The following TANK variants were observed in gnomAD, a reference collection of about 807,000 sequenced individuals.
TANK encodes the protein TRAF family member associated NFKB activator.
In TANK, 15 loss-of-function variants were observed where a neutral mutation model predicts 43.6. The observed-to-expected ratio is 0.34, with a 90% confidence interval of 0.23 to 0.53. The LOEUF (loss-of-function observed/expected upper bound fraction) is 0.53, where lower values mean the gene tolerates loss of function less well. TANK is among the 20% of genes least tolerant of loss of function. The pLI, the probability that TANK is intolerant of heterozygous loss-of-function variation, is 0.94. For synonymous variants in TANK, 162 were observed against 178.2 expected (o/e 0.91, Z 0.73); for missense variants, 417 against 498.6 (o/e 0.84, Z 1.56).
chr2:161,164,886 A>T (rs747676636), intron 1 of TANK, among the ~76,000 whole-genome samples: 13 of 152,142 alleles, frequency 8.5e-5, no homozygotes, highest in Non-Finnish European at 1.9e-4. Flanking sequence ...GAAGTAAATG[A>T]TGGCAATTGT....
Position 161,161,106 on chromosome 2 carries a change from T to TAG in TANK, c.-50+623_-50+624dup, listed in dbSNP as rs1296208862. 10 of 1,077,306 alleles carry TAG rather than the reference T, an allele frequency of 9.3e-6. No individual in the cohort carries two copies. In the Admixed American group the frequency reaches 1.5e-4, roughly 16 times the overall value. The allele number at this position is 1,077,306 out of a possible 1,614,324, so 66.7% of individuals were successfully genotyped here. Reference sequence around the variant, plus strand: ...CCACAGTGGGAACCCAGGCGTTAGGTAGAGTCCTCACGCCGGTGTAAACTG... The same window carrying TAG: ...CCACAGTGGGAACCCAGGCGTTAGGTAGAGAGTCCTCACGCCGGTGTAAACTG... On this transcript the variant is annotated intron_variant, in intron 1 of 7. Transcript: ENST00000392749.
At chr2:161,161,064 A>C in intron 1 of TANK, 1 of 718,198 alleles carries the variant, frequency 1.4e-6, no homozygotes, top group South Asian at 2.1e-5. Flanking sequence ...GGCAGGAAGA[A>C]CAGAAGCCAA....
chr2:161,192,652 C>G (rs796116903), intron 2 of TANK, among the ~76,000 whole-genome samples: 17 of 152,292 alleles, frequency 1.1e-4, no homozygotes, highest in African/African-American at 3.9e-4. Flanking sequence ...AAGTAGCGCA[C>G]TAATCTCAAA....
chr2:161,230,320 C>T (rs1687845938), intron 6 of TANK, among the ~76,000 whole-genome samples: 1 of 152,062 alleles, frequency 6.6e-6, no homozygotes, highest in Non-Finnish European at 1.5e-5. Flanking sequence ...CTTTTGTCTA[C>T]CAGATATTTA....
At chr2:161,175,442 T>C (rs897937201) in intron 1 of TANK, among the ~76,000 whole-genome samples, 5 of 152,184 alleles carry the variant, frequency 3.3e-5, no homozygotes, top group African/African-American at 1.2e-4. Context: ...GAAAATACTT[T>C]GTGAAAGAAA....
intron 2 of TANK, among the ~76,000 whole-genome samples, chr2:161,186,947 A>G (rs1187320745): frequency 6.6e-6 from 1 of 152,242 alleles, no homozygotes; most frequent in Non-Finnish European, 1.5e-5. Context: ...AGGAAAATGG[A>G]AATCAAAACC....
chr2:161,183,007 A>C (rs1290357967), intron 2 of TANK, among the ~76,000 whole-genome samples: 1 of 152,150 alleles, frequency 6.6e-6, no homozygotes, highest in East Asian at 1.9e-4. Flanking sequence ...CTATAACAAG[A>C]GTTGTGAGAG....
At position 161,225,383 on chromosome 2, in the gene TANK, A is replaced by G. The variant is rs141351163; in HGVS notation, c.520+637A>G. 5.3e-3 allele frequency among the ~76,000 whole-genome samples: 813 copies of G among 152,296 alleles called. 5 individuals are homozygous for G. The highest frequency in any genetic ancestry group is 8.4e-3 in the Non-Finnish European group (574 of 68,010). The stretch of plus-strand genomic sequence containing the variant: ...TTCAAGAATAAAAACGTGGCACTCA[A>G]ATTTCCTGAGTGCTAGTTGTGTTTA... On this transcript the variant is annotated intron_variant, in intron 6 of 7. Transcript: ENST00000392749.
chr2:161,203,502 C>G lies in TANK; in HGVS notation c.115C>G (p.Gln39Glu), dbSNP rs771784086. ...ELQQKTENYE[Q>E]RIREQQEQLS... ...ATGTCAGCAGACTGAGAACTATGAGCAGAGAATACGTGAACAACAGGAACA... is the reference window on the plus strand; with the variant it reads ...ATGTCAGCAGACTGAGAACTATGAGGAGAGAATACGTGAACAACAGGAACA... Residue 39 changes from glutamine (Q) to glutamate (E), a missense_variant, in exon 3 of 8, where the codon CAG becomes GAG. By Grantham distance (29) the Gln-to-Glu change is conservative (BLOSUM62 2). Transcript: ENST00000392749. The G allele has an allele frequency of 7.0e-5, 113 of 1,610,100 alleles. No homozygotes were observed. The highest frequency in any genetic ancestry group is 7.0e-5 in the Non-Finnish European group (82 of 1,178,604).
At chr2:161,202,182 C>CTTTTTTTTTTTTTTTTTTTT in intron 2 of TANK, among the ~76,000 whole-genome samples, 1 of 78,132 alleles carries the variant, frequency 1.3e-5, no homozygotes, top group Non-Finnish European at 2.4e-5. Context: ...GCTCTAATTT[C>CTTTTTTTTTTTTTTTTTTTT]TTTTTTTTTT....
At chr2:161,211,340 C>T (rs1255714568) in intron 4 of TANK, among the ~76,000 whole-genome samples, 4 of 152,174 alleles carry the variant, frequency 2.6e-5, no homozygotes, top group African/African-American at 7.2e-5. Context: ...TAGGGATCTT[C>T]GTCTGAGTTT....
At chr2:161,152,945 C>G (rs1014916371) in intron 1 of TANK, among the ~76,000 whole-genome samples, 1 of 152,084 alleles carries the variant, frequency 6.6e-6, no homozygotes, top group African/African-American at 2.4e-5. Context: ...CTGGTTCAGA[C>G]TTTTAGCAAA....
chr2:161,185,629 G>A (rs1261914535), intron 2 of TANK, among the ~76,000 whole-genome samples: 1 of 146,358 alleles, frequency 6.8e-6, no homozygotes, highest in African/African-American at 2.5e-5. Flanking sequence ...ACCAAACACC[G>A]CATATTCTCA....
At chr2:161,182,997 C>G (rs570319093) in intron 2 of TANK, among the ~76,000 whole-genome samples, 1 of 152,256 alleles carries the variant, frequency 6.6e-6, no homozygotes, top group South Asian at 2.1e-4. Flanking sequence ...TAACAAAAGA[C>G]TATAACAAGA....
intron 1 of TANK, among the ~76,000 whole-genome samples, chr2:161,176,543 C>G (rs1685181699): frequency 6.6e-6 from 1 of 152,126 alleles, no homozygotes; most frequent in Non-Finnish European, 1.5e-5. Flanking sequence ...GATTTACTTG[C>G]ATATGATGCA....
At chr2:161,207,700 G>A in intron 4 of TANK, 1 of 985,238 alleles carries the variant, frequency 1.0e-6, no homozygotes, top group Non-Finnish European at 1.2e-6. Flanking sequence ...TCTATACTTA[G>A]TGAGTTATAA....
At chr2:161,147,757 T>G (rs1683958034) in intron 1 of TANK, among the ~76,000 whole-genome samples, 1 of 151,508 alleles carries the variant, frequency 6.6e-6, no homozygotes, top group South Asian at 2.1e-4. Context: ...TAGTCGGCCA[T>G]CATGTCCTCA....
At chr2:161,187,998 A>C (rs1411534836) in intron 2 of TANK, among the ~76,000 whole-genome samples, 1 of 152,212 alleles carries the variant, frequency 6.6e-6, no homozygotes, top group Non-Finnish European at 1.5e-5. Flanking sequence ...GAATGAATAT[A>C]TATTGTGACA....
chr2:161,179,952 A>G, intron 2 of TANK, 191 bp downstream of exon 2: 1 of 1,267,848 alleles, frequency 7.9e-7, no homozygotes, highest in Admixed American at 4.0e-5. Flanking sequence ...TGCAACCCAT[A>G]GGAAGAGTTG....
Sources: allele counts gnomAD v4.1 joint callset (sites outside exome capture counted in the v4.1 genomes callset), GRCh38; gene constraint gnomAD v4.1.1; transcripts MANE v1.5; gene names NCBI Gene and HGNC (gene_info 2026-07-23, HGNC 2026-07-21).